Variants in EPB41L5 observed in about 807,000 individuals in gnomAD.
The protein encoded by EPB41L5 is band 4.1-like protein 5.
A neutral mutation model predicts 106.6 loss-of-function variants in EPB41L5; 55 were observed. The ratio of observed to expected loss-of-function variants is 0.52; its 90% confidence interval spans 0.42 to 0.65. The LOEUF is 0.65. Ranked by LOEUF, EPB41L5 falls within the 30% of genes least tolerant of loss-of-function variation. EPB41L5 has a pLI of 0.00. For missense variants in EPB41L5, 871 were observed against 882.1 expected, an observed-to-expected ratio of 0.99 and a Z score of 0.16; for synonymous variants, 297 against 306.7, an observed-to-expected ratio of 0.97 and a Z score of 0.33.
intron 18 of EPB41L5, among the ~76,000 whole-genome samples, chr2:120,138,678 T>C (rs183446326): frequency 5.3e-5 from 8 of 152,108 alleles, no homozygotes; most frequent in African/African-American, 1.7e-4. Context: ...GTATGAGATA[T>C]CGAAGAGGAC....
chr2:120,115,120 C>T (rs1178777127), intron 16 of EPB41L5, among the ~76,000 whole-genome samples: 1 of 151,946 alleles, frequency 6.6e-6, no homozygotes, highest in African/African-American at 2.4e-5. Flanking sequence ...ACATTTTTTC[C>T]TTTTTATTTC....
At chr2:120,022,426 A>G (rs1006946999) in intron 2 of EPB41L5, among the ~76,000 whole-genome samples, 10 of 151,446 alleles carry the variant, frequency 6.6e-5, no homozygotes, top group Non-Finnish European at 1.0e-4. Flanking sequence ...GAGTGAGAAC[A>G]TGTGGTGTTT....
chr2:120,063,309 T>C (rs1164647893), intron 3 of EPB41L5, among the ~76,000 whole-genome samples: 2 of 147,578 alleles, frequency 1.4e-5, no homozygotes, highest in East Asian at 4.0e-4. Context: ...ACCACTGCGC[T>C]CTAGCCTGGG....
At chr2:120,159,989 T>TA (rs1486971430) in intron 20 of EPB41L5, among the ~76,000 whole-genome samples, 1 of 152,144 alleles carries the variant, frequency 6.6e-6, no homozygotes, top group Non-Finnish European at 1.5e-5. Flanking sequence ...GAAAACCAAA[T>TA]ACTGCGTAAA....
At chr2:120,033,240 A>G (rs987942655) in intron 2 of EPB41L5, among the ~76,000 whole-genome samples, 1 of 152,212 alleles carries the variant, frequency 6.6e-6, no homozygotes, top group African/African-American at 2.4e-5. Flanking sequence ...CCAGCATACT[A>G]CAGTTACTGC....
At chr2:120,020,936 A>G (rs1161601337) in intron 2 of EPB41L5, among the ~76,000 whole-genome samples, 2 of 152,202 alleles carry the variant, frequency 1.3e-5, no homozygotes, top group Non-Finnish European at 2.9e-5. Context: ...TAAACTTTGT[A>G]TGCTTAGCTG....
chr2:120,028,156 G>C (rs910482003), intron 2 of EPB41L5, among the ~76,000 whole-genome samples: 1 of 151,932 alleles, frequency 6.6e-6, no homozygotes, highest in Non-Finnish European at 1.5e-5. Context: ...GAGCCACCGC[G>C]CCCGGCCGGA....
intron 10 of EPB41L5, among the ~76,000 whole-genome samples, chr2:120,080,116 T>A (rs2105335761): frequency 6.6e-6 from 1 of 152,226 alleles, no homozygotes; most frequent in South Asian, 2.1e-4. Context: ...TTCTTTTTTT[T>A]TTTTTATTAT....
intron 18 of EPB41L5, among the ~76,000 whole-genome samples, chr2:120,135,593 A>G (rs1376285684): frequency 1.3e-5 from 2 of 152,218 alleles, no homozygotes; most frequent in East Asian, 3.8e-4. Context: ...AAAGAATCCT[A>G]AAAGCAGCAA....
chr2:120,034,771 G>A (rs754556533), intron 2 of EPB41L5, among the ~76,000 whole-genome samples: 4 of 152,194 alleles, frequency 2.6e-5, no homozygotes, highest in South Asian at 4.2e-4. Flanking sequence ...AGACTGAGCC[G>A]AAAGGATTCC....
chr2:120,176,152 C>A lies in EPB41L5; in HGVS notation c.*1245C>A, dbSNP rs950294685. 6.6e-6 allele frequency: 1 copy of A among 152,510 alleles called. No individual in the cohort carries two copies. The highest frequency in any genetic ancestry group is 2.4e-5 in the African/African-American group (1 of 41,396). 9.4% of individuals were successfully genotyped at this position (152,510 alleles called of 1,614,324 possible). A position where few individuals can be genotyped will look rare whatever the true frequency, so the allele number is the denominator to read the frequency against. On this transcript the variant is annotated 3_prime_UTR_variant, in exon 25 of 25. Transcript: ENST00000263713. ...GTAATTCTAATACCCAGAAATAACG[C>A]TATTTAGCTTTATAATTTTCGAATG...
chr2:120,087,386 A>G, intron 11 of EPB41L5, 146 bp downstream of exon 11: 1 of 507,314 alleles, frequency 2.0e-6, no homozygotes. Flanking sequence ...TAATTTCCTT[A>G]CTTGGGTCAT....
intron 16 of EPB41L5, among the ~76,000 whole-genome samples, chr2:120,114,368 G>T (rs1684857223): frequency 6.6e-6 from 1 of 152,110 alleles, no homozygotes; most frequent in Non-Finnish European, 1.5e-5. Flanking sequence ...CTTTTCCTGG[G>T]CTGTAATATG....
intron 3 of EPB41L5, among the ~76,000 whole-genome samples, chr2:120,050,339 A>G (rs1468033923): frequency 1.3e-5 from 2 of 151,994 alleles, no homozygotes; most frequent in Admixed American, 1.3e-4. Flanking sequence ...GTAGTCCCAT[A>G]TTTCTTGGAG....
At chr2:120,106,060 G>A in intron 16 of EPB41L5, 6 of 983,662 alleles carry the variant, frequency 6.1e-6, no homozygotes, top group Non-Finnish European at 7.2e-6. Flanking sequence ...TAATTGAAGA[G>A]TAAGATCTTC....
At position 120,105,824 on chromosome 2, in the gene EPB41L5, T is replaced by C. The variant is rs533800684; in HGVS notation, c.1337+5010T>C. The C allele has an allele frequency of 5.1e-6, 5 of 985,354 alleles. No individual in the cohort carries two copies. In the African/African-American group the frequency reaches 8.7e-5, roughly 17 times the overall value. The allele number at this position is 985,354 out of a possible 1,614,324, so 61.0% of individuals were successfully genotyped here. A position where few individuals can be genotyped will look rare whatever the true frequency, so the allele number is the denominator to read the frequency against. The stretch of plus-strand genomic sequence containing the variant: ...TATTGTCATGGCTGATTTTTTTTCT[T>C]AAAAGAGAGGAATTTGGATTATAAC... On this transcript the variant is annotated intron_variant, in intron 16 of 24. Coordinates refer to ENST00000263713, the MANE Select transcript of EPB41L5 (RefSeq NM_020909.4).
At chr2:120,090,606 T>A in intron 12 of EPB41L5, 90 bp downstream of exon 12, 1 of 1,157,154 alleles carries the variant, frequency 8.6e-7, no homozygotes, top group Non-Finnish European at 1.2e-6. Flanking sequence ...ATATGGTAAC[T>A]AAGGTATAGA....
At chr2:120,166,527 C>T (rs1687419249) in intron 22 of EPB41L5, among the ~76,000 whole-genome samples, 1 of 151,904 alleles carries the variant, frequency 6.6e-6, no homozygotes, top group South Asian at 2.1e-4. Flanking sequence ...TCACTGCAAC[C>T]TCCGCCTCCA....
chr2:120,154,858 G>A (rs1033088047), intron 20 of EPB41L5, among the ~76,000 whole-genome samples: 12 of 152,174 alleles, frequency 7.9e-5, no homozygotes, highest in African/African-American at 2.6e-4. Context: ...CCTGGGAGGC[G>A]GAGCTTGCAG....
Sources: allele counts gnomAD v4.1 joint callset (sites outside exome capture counted in the v4.1 genomes callset), GRCh38; gene constraint gnomAD v4.1.1; transcripts MANE v1.5; gene names NCBI Gene and HGNC (gene_info 2026-07-23, HGNC 2026-07-21).